SUPT16H: variants seen among roughly 807,000 people sequenced by gnomAD.
SUPT16H encodes the protein SPT16 homolog, facilitates chromatin remodeling subunit.
Under a neutral mutation model 136.2 loss-of-function variants are expected in SUPT16H, and 24 were observed. The ratio of observed to expected loss-of-function variants is 0.18; its 90% CI spans 0.13 to 0.25. The LOEUF is 0.25. SUPT16H is among the 10% of genes least tolerant of loss of function. SUPT16H has a pLI of 1.00. For synonymous variants in SUPT16H, 415 were observed against 428.2 expected (o/e 0.97, Z 0.38); for missense variants, 623 against 1,270.2 (o/e 0.49, Z 7.74).
At position 21,361,098 on chromosome 14, in the gene SUPT16H, C is replaced by A; in HGVS notation, c.1909G>T (p.Ala637Ser). Residue 637 changes from alanine (A) to serine (S), a missense_variant, in exon 16 of 26, where the codon GCT becomes TCT. Physicochemically the swap from Ala to Ser is moderately conservative, Grantham distance 99 (BLOSUM62 1). Coordinates refer to ENST00000216297, the MANE Select transcript of SUPT16H (RefSeq NM_007192.4). ...CTCACCTCCTTCTCTTTCTCTTCAGCTTCTCGAGTTTTATAACGTTTCTGT... is the reference window on the plus strand; with the variant it reads ...CTCACCTCCTTCTCTTTCTCTTCAGATTCTCGAGTTTTATAACGTTTCTGT... ...EVQKRYKTRE[A>S]EEKEKEGIVK... 6.2e-7 allele frequency: 1 copy of A among 1,614,086 alleles called. No homozygotes were observed. Among genetic ancestry groups the A allele is most frequent in the Non-Finnish European group, 8.5e-7 (1 of 1,180,012 alleles).
chr14:21,359,421 G>C, intron 19 of SUPT16H, 63 bp downstream of exon 19: 2 of 1,585,538 alleles, frequency 1.3e-6, no homozygotes, highest in Non-Finnish European at 1.7e-6. Flanking sequence ...TACAATCCCT[G>C]AGCTTGGATT....
intron 2 of SUPT16H, 120 bp from the exon 3 acceptor site, chr14:21,372,164 T>A: frequency 8.5e-7 from 1 of 1,183,318 alleles, no homozygotes; most frequent in Non-Finnish European, 1.1e-6. Flanking sequence ...TCCAAGGTAA[T>A]CAGGCTGGGG....
rs1476171399 is a variant in SUPT16H at position 21,369,085 on chromosome 14, C to CTAT, written c.782+116_782+118dup. The stretch of plus-strand genomic sequence containing the variant: ...CACCCAAGATAATGACTTGGTAACA[C>CTAT]TATACATTATATACTTGTAGCCAAA... On this transcript the variant is annotated intron_variant, in intron 6 of 25. Transcript: ENST00000216297. The CTAT allele has an allele frequency of 2.6e-6, 3 of 1,176,454 alleles. No individual in the cohort carries two copies. The East Asian group carries it at 7.5e-5, about 29-fold the overall frequency. The allele number at this position is 1,176,454 out of a possible 1,614,324, so 72.9% of individuals were successfully genotyped here. A position where few individuals can be genotyped will look rare whatever the true frequency, so the allele number is the denominator to read the frequency against.
chr14:21,357,453 A>G, intron 21 of SUPT16H, 87 bp from the exon 22 acceptor site: 1 of 1,329,942 alleles, frequency 7.5e-7, no homozygotes, highest in Admixed American at 3.0e-5. Context: ...CTAAATCACT[A>G]CATAAAAGAT....
intron 18 of SUPT16H, among the ~76,000 whole-genome samples, chr14:21,359,873 A>G (rs918008395): frequency 1.3e-5 from 2 of 152,208 alleles, no homozygotes; most frequent in Non-Finnish European, 2.9e-5. Flanking sequence ...AGAAAGAGAA[A>G]TCTGGAGATC....
At chr14:21,375,064 A>C (rs1886872325) in intron 1 of SUPT16H, among the ~76,000 whole-genome samples, 1 of 151,814 alleles carries the variant, frequency 6.6e-6, no homozygotes, top group Admixed American at 6.6e-5. Flanking sequence ...CCCAGGCTGG[A>C]GTGCAGTGGT....
At chr14:21,383,667 G>A in intron 1 of SUPT16H, 195 bp downstream of exon 1, 1 of 720,522 alleles carries the variant, frequency 1.4e-6, no homozygotes, top group Non-Finnish European at 2.5e-6. Flanking sequence ...CCGCAGGACA[G>A]GGTGAATGCG....
At chr14:21,355,121 G>A (rs190994083) in intron 22 of SUPT16H, among the ~76,000 whole-genome samples, 1 of 152,102 alleles carries the variant, frequency 6.6e-6, no homozygotes, top group Non-Finnish European at 1.5e-5. Context: ...CTCTGTCACT[G>A]ATTCCATTCT....
At chr14:21,355,521 A>T (rs1289085149) in intron 22 of SUPT16H, among the ~76,000 whole-genome samples, 8 of 148,198 alleles carry the variant, frequency 5.4e-5, no homozygotes, top group African/African-American at 1.2e-4. Flanking sequence ...AATAAAAAAA[A>T]AAAAAAAAAA....
At chr14:21,372,276 C>T (rs567665535) in intron 2 of SUPT16H, 21 of 465,990 alleles carry the variant, frequency 4.5e-5, no homozygotes, top group Admixed American at 3.2e-4. Context: ...CGTTTATATG[C>T]TTGAACTTTC....
In SUPT16H at chr14:21,352,465, T is replaced by C; in HGVS notation, c.*208A>G. 1 of 687,434 alleles carries C rather than the reference T, an allele frequency of 1.5e-6. No individual in the cohort carries two copies. The highest frequency in any genetic ancestry group is 2.4e-6 in the Non-Finnish European group (1 of 409,288). 42.6% of individuals were successfully genotyped at this position (687,434 alleles called of 1,614,324 possible). On this transcript the variant is annotated 3_prime_UTR_variant, in exon 26 of 26. Transcript: ENST00000216297. ...CCTGTCTTCAAGAACACCTCCTCCC[T>C]TGCCATCTGAATGGGGCCATTGGCA...
chr14:21,382,422 C>T (rs1887048934), intron 1 of SUPT16H, among the ~76,000 whole-genome samples: 1 of 152,168 alleles, frequency 6.6e-6, no homozygotes, highest in Admixed American at 6.5e-5. Flanking sequence ...GCCAACCTGT[C>T]TTCAGGCCAC....
chr14:21,353,907 A>C (rs1215780950), intron 23 of SUPT16H, 75 bp from the exon 24 acceptor site: 1 of 1,407,048 alleles, frequency 7.1e-7, no homozygotes, highest in Non-Finnish European at 9.7e-7. Flanking sequence ...TTCAGCCCAC[A>C]TAGTATACCA....
At chr14:21,379,202 G>A (rs565148996) in intron 1 of SUPT16H, among the ~76,000 whole-genome samples, 1 of 152,206 alleles carries the variant, frequency 6.6e-6, no homozygotes, top group East Asian at 1.9e-4. Context: ...TTGGGAGGCT[G>A]GGGTGGGTGG....
At position 21,357,891 on chromosome 14, in the gene SUPT16H, C is replaced by T. The variant is rs755928156; in HGVS notation, c.2490+36G>A. 6 of 1,587,546 alleles carry T rather than the reference C, an allele frequency of 3.8e-6. No individual in the cohort carries two copies. The African/African-American group carries it at 5.4e-5, about 14-fold the overall frequency. On this transcript the variant is annotated intron_variant, in intron 21 of 25. Transcript: ENST00000216297. ...ACCTATCCTTCTTTATTTTCTCTAA[C>T]AATTTTCTTACTAAAAGAAAGTAAG...
rs774244822 is a variant in SUPT16H at position 21,370,505 on chromosome 14, GAAGAA to G, written c.331-22_331-18del. The stretch of plus-strand genomic sequence containing the variant: ...ACTTTCATTCTGTCAGTGTCATAGG[GAAGAA>G]AAGACACATATGTTTTACCAGTTCA... On this transcript the variant is annotated intron_variant, in intron 3 of 25. Transcript: ENST00000216297. The G allele has an allele frequency of 6.2e-7, 1 of 1,612,882 alleles. No individual in the cohort carries two copies.
In SUPT16H at chr14:21,360,038, TTTTTG is replaced by T. The variant is rs1317114729; in HGVS notation, c.2175+372_2175+376del. Among the ~76,000 whole-genome samples, 3 of 152,248 alleles carry T rather than the reference TTTTTG, an allele frequency of 2.0e-5. No individual in the cohort carries two copies. In the South Asian group the frequency reaches 6.2e-4, roughly 32 times the overall value. ...AGTGAGAGGTGATTTTTTCATCACT[TTTTTG>T]TTTTTTGTTTTTCACACGCTGTCGC... On this transcript the variant is annotated intron_variant, in intron 18 of 25. Transcript: ENST00000216297.
intron 22 of SUPT16H, 25 bp from the exon 23 acceptor site, chr14:21,354,565 C>G: frequency 6.2e-7 from 1 of 1,610,932 alleles, no homozygotes; most frequent in Non-Finnish European, 8.5e-7. Flanking sequence ...ATGACAAAGT[C>G]AAATCAATCT....
Position 21,352,293 on chromosome 14 carries a change from C to T in SUPT16H, c.*380G>A, listed in dbSNP as rs769163039. The stretch of plus-strand genomic sequence containing the variant: ...AATGTGCTGGTCAAGAACCATGATA[C>T]GGGTAATTAAGGGTCACCTTGTACC... On this transcript the variant is annotated 3_prime_UTR_variant, in exon 26 of 26. Transcript: ENST00000216297. 5 of 223,436 alleles carry T rather than the reference C, an allele frequency of 2.2e-5. No individual in the cohort carries two copies. Among genetic ancestry groups the T allele is most frequent in the Admixed American group, 5.0e-5 (1 of 19,910 alleles). 13.8% of individuals were successfully genotyped at this position (223,436 alleles called of 1,614,324 possible).
Sources: allele counts gnomAD v4.1 joint callset (sites outside exome capture counted in the v4.1 genomes callset), GRCh38; gene constraint gnomAD v4.1.1; transcripts MANE v1.5; gene names NCBI Gene and HGNC (gene_info 2026-07-23, HGNC 2026-07-21).